The following JAKMIP3 variants were observed in gnomAD, a reference collection of about 807,000 sequenced individuals.
The protein encoded by JAKMIP3 is Janus kinase and microtubule interacting protein 3, also known as janus kinase and microtubule-interacting protein 3.
A neutral mutation model predicts 118.5 loss-of-function variants in JAKMIP3; 58 were observed. That is an observed-to-expected ratio of 0.49 (90% CI 0.40 to 0.61). JAKMIP3 has a LOEUF of 0.61. Ranked by LOEUF, JAKMIP3 falls within the 20% of genes least tolerant of loss-of-function variation. The probability of loss-of-function intolerance (pLI) is 0.00; values close to 1 mark genes in which losing one functional copy is unlikely to be tolerated. For missense variants in JAKMIP3, 950 were observed against 1,109.0 expected, an observed-to-expected ratio of 0.86 and a Z score of 2.04; for synonymous variants, 486 against 451.2, an observed-to-expected ratio of 1.08 and a Z score of -0.98.
chr10:132,178,487 G>C (rs1185024776), intron 23 of JAKMIP3, among the ~76,000 whole-genome samples: 1 of 152,206 alleles, frequency 6.6e-6, no homozygotes, highest in East Asian at 1.9e-4. Context: ...GTTTCTGTTT[G>C]GTTTGAAAAT....
chr10:132,143,551 A>G (rs2054004072), intron 11 of JAKMIP3, among the ~76,000 whole-genome samples: 1 of 140,162 alleles, frequency 7.1e-6, no homozygotes, highest in African/African-American at 2.5e-5. Flanking sequence ...CATGTAAAAA[A>G]AAGTTTAATG....
At chr10:132,073,331 G>A (rs1261694145) in intron 1 of JAKMIP3, among the ~76,000 whole-genome samples, 5 of 151,942 alleles carry the variant, frequency 3.3e-5, no homozygotes, top group South Asian at 2.1e-4. Flanking sequence ...GACTACAGGC[G>A]CCTGCCACCG....
At chr10:132,058,324 T>G (rs1466195771) in intron 1 of JAKMIP3, among the ~76,000 whole-genome samples, 1 of 152,208 alleles carries the variant, frequency 6.6e-6, no homozygotes, top group Non-Finnish European at 1.5e-5. Flanking sequence ...GCTCTGGAAG[T>G]AGCCCCTGCT....
upstream of JAKMIP3, among the ~76,000 whole-genome samples, chr10:132,061,219 GCACACA>G (rs1589727251): frequency 6.0e-5 from 2 of 33,398 alleles, no homozygotes; most frequent in African/African-American, 2.7e-4. Context: ...CCGTGACGGC[GCACACA>G]TACACCTGCC....
chr10:132,135,217 C>A, intron 5 of JAKMIP3, 57 bp downstream of exon 5: 1 of 1,525,406 alleles, frequency 6.6e-7, no homozygotes, highest in Non-Finnish European at 8.9e-7. Flanking sequence ...GAGCTGGGGA[C>A]CTGGGGGGCA....
intron 3 of JAKMIP3, among the ~76,000 whole-genome samples, chr10:132,121,020 C>T (rs2048460186): frequency 6.6e-6 from 1 of 152,150 alleles, no homozygotes; most frequent in Non-Finnish European, 1.5e-5. Context: ...GGGATGGAAG[C>T]TGCTCAGAGA....
upstream of JAKMIP3, among the ~76,000 whole-genome samples, chr10:132,062,525 C>G (rs551631891): frequency 2.4e-5 from 3 of 124,644 alleles, no homozygotes; most frequent in Admixed American, 2.4e-4. Flanking sequence ...GGGGATACAG[C>G]GAAGATGGAC....
chr10:132,121,002 G>A (rs2048455888), intron 3 of JAKMIP3, among the ~76,000 whole-genome samples: 1 of 152,210 alleles, frequency 6.6e-6, no homozygotes, highest in African/African-American at 2.4e-5. Flanking sequence ...ATGAGGATGG[G>A]GAAGTCTGGG....
At chr10:132,113,521 G>A (rs747742558) in intron 2 of JAKMIP3, among the ~76,000 whole-genome samples, 77 of 152,244 alleles carry the variant, frequency 5.1e-4, no homozygotes, top group Non-Finnish European at 1.5e-4. Context: ...ACGTTAGGTT[G>A]TATTTACGCA....
intron 1 of JAKMIP3, among the ~76,000 whole-genome samples, chr10:132,050,195 G>C (rs531464925): frequency 2.4e-4 from 37 of 152,270 alleles, no homozygotes; most frequent in African/African-American, 8.9e-4. Context: ...TTGCCTCTCT[G>C]AGCCGGGTTT....
chr10:132,095,567 T>C (rs867679386), intron 1 of JAKMIP3, among the ~76,000 whole-genome samples: 18 of 152,316 alleles, frequency 1.2e-4, no homozygotes, highest in African/African-American at 3.8e-4. Context: ...TTGGGGTGTC[T>C]CCCAGGTCCT....
rs1456586325 is a variant in JAKMIP3 at position 132,168,436 on chromosome 10, C to G, written c.*506C>G. 7.8e-7 allele frequency: 1 copy of G among 1,278,590 alleles called. No homozygotes were observed. The highest frequency in any genetic ancestry group is 1.0e-6 in the Non-Finnish European group (1 of 979,940). 79.2% of individuals were successfully genotyped at this position (1,278,590 alleles called of 1,614,324 possible). ...GACGGTGACCTTCATTCAGGGGAACCTGGAGGCTCCCTGGGATGGTCCTGG... is the reference window on the plus strand; with the variant it reads ...GACGGTGACCTTCATTCAGGGGAACGTGGAGGCTCCCTGGGATGGTCCTGG... On this transcript the variant is annotated 3_prime_UTR_variant, in exon 23 of 24. Coordinates refer to ENST00000684848, the MANE Select transcript of JAKMIP3 (RefSeq NM_001323087.2).
intron 20 of JAKMIP3, 70 bp from the exon 21 acceptor site, chr10:132,164,600 A>C: frequency 1.9e-6 from 2 of 1,034,846 alleles, no homozygotes; most frequent in Non-Finnish European, 3.0e-6. Context: ...GAAATGAATG[A>C]AAATCTTGAA....
chr10:132,139,733 C>T (rs745804888), intron 9 of JAKMIP3, among the ~76,000 whole-genome samples: 8 of 152,124 alleles, frequency 5.3e-5, no homozygotes, highest in Non-Finnish European at 8.8e-5. Context: ...AGGACAGGGG[C>T]CAGTGGTTGG....
chr10:132,103,385 G>T, intron 1 of JAKMIP3, among the ~76,000 whole-genome samples: 1 of 145,834 alleles, frequency 6.9e-6, no homozygotes, highest in South Asian at 2.3e-4. Context: ...AGGAACATCA[G>T]AGACGGGGAG....
chr10:132,076,710 C>T (rs1320745005), intron 1 of JAKMIP3, among the ~76,000 whole-genome samples: 4 of 127,992 alleles, frequency 3.1e-5, no homozygotes, highest in Admixed American at 1.6e-4. Flanking sequence ...CGGGTCTTAC[C>T]GTGTGAGGAC....
intron 1 of JAKMIP3, among the ~76,000 whole-genome samples, chr10:132,076,803 G>A (rs1408704974): frequency 6.6e-6 from 1 of 151,466 alleles, no homozygotes; most frequent in Non-Finnish European, 1.5e-5. Flanking sequence ...GCCTGCGGTG[G>A]CCCCAGGTAT....
chr10:132,139,524 G>C (rs2053025723), intron 9 of JAKMIP3, among the ~76,000 whole-genome samples: 1 of 151,718 alleles, frequency 6.6e-6, no homozygotes, highest in Non-Finnish European at 1.5e-5. Context: ...GTGAGTGTGT[G>C]TGTGGCTTGT....
intron 3 of JAKMIP3, among the ~76,000 whole-genome samples, chr10:132,121,182 G>C (rs1722896659): frequency 1.3e-5 from 2 of 152,150 alleles, no homozygotes; most frequent in Non-Finnish European, 2.9e-5. Flanking sequence ...GTAGAGCTGG[G>C]GGTGCTGCTG....
Sources: gnomAD v4.1 joint callset for allele counts (sites outside exome capture counted in the v4.1 genomes callset) on GRCh38, gnomAD v4.1.1 for gene constraint, MANE v1.5 for transcripts, NCBI Gene and HGNC (gene_info 2026-07-23, HGNC 2026-07-21) for gene names.